PIAS2: variants seen among roughly 807,000 people sequenced by gnomAD.
The protein encoded by PIAS2 is protein inhibitor of activated STAT 2, also known as E3 SUMO-protein ligase PIAS2.
In PIAS2, 19 loss-of-function variants were observed where a neutral mutation model predicts 69.7. That is an observed-to-expected ratio of 0.27 (90% CI 0.19 to 0.40). The LOEUF is 0.40. Among genes scored for constraint, PIAS2 ranks in the 10% least tolerant of loss-of-function variants. The pLI is 1.00. For missense variants in PIAS2, 624 were observed against 757.0 expected (o/e 0.82, Z 2.06); for synonymous variants, 261 against 263.2 (o/e 0.99, Z 0.08).
intron 5 of PIAS2, among the ~76,000 whole-genome samples, chr18:46,850,483 G>C (rs113107644): frequency 0.015 from 2,311 of 152,126 alleles, 24 homozygotes; most frequent in Non-Finnish European, 0.024. Context: ...CTTCCTCGAA[G>C]TATAAGGTTT....
At chr18:46,892,571 G>A (rs72913087) in intron 1 of PIAS2, among the ~76,000 whole-genome samples, 1,583 of 151,936 alleles carry the variant, frequency 0.01, 13 homozygotes, top group Non-Finnish European at 0.017. Flanking sequence ...CCAGGAGTTC[G>A]AGACCACACT....
chr18:46,893,016 T>C (rs2054298577), intron 1 of PIAS2, among the ~76,000 whole-genome samples: 1 of 152,194 alleles, frequency 6.6e-6, no homozygotes, highest in Admixed American at 6.5e-5. Context: ...GGCCACTAGC[T>C]ACCACACTGT....
chr18:46,911,309 G>A (rs555028357), intron 1 of PIAS2, among the ~76,000 whole-genome samples: 7 of 151,062 alleles, frequency 4.6e-5, no homozygotes, highest in South Asian at 4.2e-4. Context: ...TCCACCTCCC[G>A]GGTTCAAGCA....
Position 46,869,133 on chromosome 18 carries a change from C to T in PIAS2, c.500-4885G>A, listed in dbSNP as rs564863464. On this transcript the variant is annotated intron_variant, in intron 2 of 13. Coordinates refer to ENST00000585916, the MANE Select transcript of PIAS2 (RefSeq NM_004671.5). ...GCAGTTCTGTGGTCACCTCATATGG[C>T]TTATGGCAGATTCCTGTTGTGGGGC... Among the ~76,000 whole-genome samples, 70 of 152,312 alleles carry T rather than the reference C, an allele frequency of 4.6e-4. 2 individuals carry two copies. In the East Asian group the frequency reaches 0.014, roughly 29 times the overall value.
intron 2 of PIAS2, among the ~76,000 whole-genome samples, chr18:46,879,356 C>G (rs2051790066): frequency 6.8e-6 from 1 of 146,414 alleles, no homozygotes; most frequent in South Asian, 2.3e-4. Context: ...TAATGCAATG[C>G]CACCTCACAC....
intron 8 of PIAS2, among the ~76,000 whole-genome samples, chr18:46,837,663 G>A (rs952485369): frequency 3.9e-5 from 6 of 151,974 alleles, no homozygotes; most frequent in Non-Finnish European, 8.8e-5. Flanking sequence ...TAACTTTAGT[G>A]CTGTTAAATT....
chr18:46,875,094 T>C (rs533959042), intron 2 of PIAS2, among the ~76,000 whole-genome samples: 2 of 152,322 alleles, frequency 1.3e-5, no homozygotes, highest in South Asian at 4.1e-4. Flanking sequence ...CCTTGTCATC[T>C]ATGTGACTCA....
At chr18:46,872,776 C>G (rs2050564305) in intron 2 of PIAS2, among the ~76,000 whole-genome samples, 1 of 152,120 alleles carries the variant, frequency 6.6e-6, no homozygotes, top group Non-Finnish European at 1.5e-5. Context: ...TTGGGTATTG[C>G]TGACTATGGA....
intron 3 of PIAS2, among the ~76,000 whole-genome samples, chr18:46,863,371 G>A (rs959121421): frequency 1.3e-5 from 2 of 151,804 alleles, no homozygotes; most frequent in Non-Finnish European, 1.5e-5. Flanking sequence ...GCCCAGTCTC[G>A]AGTGCTGCAG....
At chr18:46,867,632 TTAAA>T (rs2049689508) in intron 2 of PIAS2, among the ~76,000 whole-genome samples, 1 of 152,218 alleles carries the variant, frequency 6.6e-6, no homozygotes, top group Non-Finnish European at 1.5e-5. Flanking sequence ...AGGGCATGAA[TTAAA>T]TATGGCTTTA....
chr18:46,826,150 T>C (rs553340601), intron 11 of PIAS2, among the ~76,000 whole-genome samples: 1 of 152,346 alleles, frequency 6.6e-6, no homozygotes, highest in Non-Finnish European at 1.5e-5. Flanking sequence ...TAGTCACAAA[T>C]TTCTATCTTA....
intron 1 of PIAS2, among the ~76,000 whole-genome samples, chr18:46,912,680 A>AT (rs1305002566): frequency 1.3e-5 from 2 of 152,000 alleles, no homozygotes; most frequent in African/African-American, 2.4e-5. Context: ...GTTAAGAAAT[A>AT]TTTTTTTTGA....
At position 46,844,716 on chromosome 18, in the gene PIAS2, T is replaced by C. The variant is rs374687308; in HGVS notation, c.967+18A>G. ...TTTTTTTTTTTTTAAATGCTTGGTC[T>C]TATTAAACATTACTTACTTAGTGCT... On this transcript the variant is annotated intron_variant, in intron 7 of 13. Coordinates refer to ENST00000585916, the MANE Select transcript of PIAS2 (RefSeq NM_004671.5). The C allele has an allele frequency of 2.1e-6, 2 of 955,258 alleles. No individual in the cohort carries two copies. The highest frequency in any genetic ancestry group is 3.0e-6 in the Non-Finnish European group (2 of 669,218). The allele number at this position is 955,258 out of a possible 1,614,324, so 59.2% of individuals were successfully genotyped here.
chr18:46,818,677 AAAACT>A (rs1284569444), intron 12 of PIAS2, among the ~76,000 whole-genome samples: 3 of 152,094 alleles, frequency 2.0e-5, no homozygotes, highest in Admixed American at 6.6e-5. Context: ...AAATCAAAGT[AAAACT>A]AAACTATTTA....
chr18:46,897,722 TAA>T (rs2055120781), intron 1 of PIAS2, among the ~76,000 whole-genome samples: 1 of 152,208 alleles, frequency 6.6e-6, no homozygotes, highest in African/African-American at 2.4e-5. Flanking sequence ...GAAATTCTGT[TAA>T]CATGATAACT....
At chr18:46,843,996 G>T (rs940946792) in intron 8 of PIAS2, 58 bp downstream of exon 8, 2 of 953,136 alleles carry the variant, frequency 2.1e-6, no homozygotes, top group South Asian at 1.8e-5. Context: ...ACTTTTATAG[G>T]AAAGTTAATC....
chr18:46,820,852 A>T (rs1870090756), intron 12 of PIAS2, 81 bp downstream of exon 12: 1 of 1,398,064 alleles, frequency 7.2e-7, no homozygotes, highest in Non-Finnish European at 9.7e-7. Context: ...AAAATTTCAA[A>T]ACTATACTGG....
At chr18:46,848,679 C>A (rs2046504666) in intron 5 of PIAS2, among the ~76,000 whole-genome samples, 1 of 151,818 alleles carries the variant, frequency 6.6e-6, no homozygotes, top group African/African-American at 2.4e-5. Context: ...TTCTGAAAAT[C>A]ATTAAAAACG....
intron 1 of PIAS2, among the ~76,000 whole-genome samples, chr18:46,897,723 A>G (rs1416869667): frequency 6.6e-6 from 1 of 152,208 alleles, no homozygotes; most frequent in Non-Finnish European, 1.5e-5. Flanking sequence ...AAATTCTGTT[A>G]ACATGATAAC....
Sources: allele counts gnomAD v4.1 joint callset (sites outside exome capture counted in the v4.1 genomes callset), GRCh38; gene constraint gnomAD v4.1.1; transcripts MANE v1.5; gene names NCBI Gene and HGNC (gene_info 2026-07-23, HGNC 2026-07-21).